The following CCDC32 variants were observed in gnomAD, a reference collection of about 807,000 sequenced individuals.
CCDC32 encodes coiled-coil domain-containing protein 32.
CCDC32 carries 9 observed loss-of-function variants against 20.1 expected under a neutral mutation model. The observed-to-expected ratio is 0.45, with a 90% CI of 0.27 to 0.78. CCDC32 has a LOEUF of 0.78. Among genes scored for constraint, CCDC32 ranks in the 30% least tolerant of loss-of-function variants. The pLI is 0.16. For synonymous variants in CCDC32, 63 were observed against 79.0 expected (o/e 0.80, Z 1.07); for missense variants, 204 against 215.5 (o/e 0.95, Z 0.33).
At chr15:40,564,717 C>G in intron 1 of CCDC32, 1 of 1,613,868 alleles carries the variant, frequency 6.2e-7, no homozygotes, top group Non-Finnish European at 8.5e-7. Flanking sequence ...TACAGTGAAC[C>G]CCCAACCCGA....
intron 2 of CCDC32, chr15:40,558,110 G>A (rs555339477): frequency 5.9e-5 from 9 of 152,212 alleles, no homozygotes; most frequent in African/African-American, 1.9e-4. Context: ...TTCCCCTTTC[G>A]AAGAATACAA....
At chr15:40,543,646 A>G (rs2141615228) in intron 3 of CCDC32, among the ~76,000 whole-genome samples, 1 of 152,076 alleles carries the variant, frequency 6.6e-6, no homozygotes, top group Non-Finnish European at 1.5e-5. Context: ...GTAGAAATGG[A>G]GTTTCCCCAT....
In CCDC32 at chr15:40,562,952, T is replaced by G; in HGVS notation, c.64A>C (p.Ile22Leu). ...TRSGQDLWAE[I>L]CSCLPNPEQE... ...TCAGGATTTGGCAGACAGGAACAAA[T>G]TTCAGCCCAGAGATCCTGGCCAGAT... is the stretch of plus-strand genomic sequence containing the variant. Residue 22 changes from isoleucine (I) to leucine (L), a missense_variant, in exon 2 of 4, where the codon ATT (isoleucine) becomes CTT (leucine). Ile to Leu is a conservative substitution (Grantham distance 5). Coordinates refer to ENST00000416810, the MANE Select transcript of CCDC32 (RefSeq NM_001080792.4). The G allele has an allele frequency of 1.2e-6, 2 of 1,614,208 alleles. No individual in the cohort carries two copies. Among genetic ancestry groups the G allele is most frequent in the Non-Finnish European group, 1.7e-6 (2 of 1,180,040 alleles).
intron 3 of CCDC32, chr15:40,528,860 G>A: frequency 1.5e-6 from 1 of 671,038 alleles, no homozygotes; most frequent in South Asian, 1.6e-5. Flanking sequence ...CATAATGGTG[G>A]CTCTGAGCCT....
At chr15:40,536,606 C>CT (rs1345316776), downstream of CCDC32, 2 of 152,318 alleles carry the variant, frequency 1.3e-5, no homozygotes, top group East Asian at 1.9e-4. Context: ...GGGCTGTGAT[C>CT]TGGCCAGGGG....
downstream of CCDC32, chr15:40,534,651 C>T (rs899763636): frequency 2.2e-6 from 1 of 458,310 alleles, no homozygotes; most frequent in Non-Finnish European, 4.0e-6. Context: ...GGGACACAGC[C>T]AAACCATATC....
downstream of CCDC32, chr15:40,534,734 A>T (rs1331671297): frequency 3.3e-6 from 2 of 597,258 alleles, no homozygotes; most frequent in Non-Finnish European, 6.0e-6. Context: ...CCCTTTTTGT[A>T]AGGGCACTAA....
At chr15:40,547,516 G>A (rs1889670956) in intron 3 of CCDC32, among the ~76,000 whole-genome samples, 1 of 152,190 alleles carries the variant, frequency 6.6e-6, no homozygotes, top group African/African-American at 2.4e-5. Context: ...CCACAACAGA[G>A]TGGACCTTCG....
chr15:40,556,075 G>C (rs77430916), intron 3 of CCDC32, among the ~76,000 whole-genome samples: 6 of 152,300 alleles, frequency 3.9e-5, no homozygotes, highest in African/African-American at 1.4e-4. Flanking sequence ...CACAGATCAG[G>C]AAACTGAGGC....
downstream of CCDC32, chr15:40,532,330 GACAAAC>G: frequency 1.4e-6 from 1 of 702,444 alleles, no homozygotes; most frequent in Non-Finnish European, 2.6e-6. Flanking sequence ...GTAGATTTAT[GACAAAC>G]ATAAGGCTCC....
At chr15:40,526,675 G>A (rs1035561394), downstream of CCDC32, among the ~76,000 whole-genome samples, 10 of 152,180 alleles carry the variant, frequency 6.6e-5, no homozygotes, top group African/African-American at 2.4e-4. Context: ...CATTTTCGGA[G>A]GCCGAGGCGG....
At position 40,557,220 on chromosome 15, in the gene CCDC32, C is replaced by T. The variant is rs1890303463; in HGVS notation, c.397G>A (p.Glu133Lys). 1.2e-6 allele frequency: 2 copies of T among 1,611,428 alleles called. No individual in the cohort carries two copies. The highest frequency in any genetic ancestry group is 1.3e-5 in the African/African-American group (1 of 74,806). The change falls in exon 3 of 4, where the codon GAG becomes AAG. Residue 133 changes from glutamate (E) to lysine (K), a missense_variant. Transcript: ENST00000416810. ...ACTAGACGGGGAATCGATTACCTCTCATCAGAATCAAGTCCATCCACAAAG... is the reference window on the plus strand; with the variant it reads ...ACTAGACGGGGAATCGATTACCTCTTATCAGAATCAAGTCCATCCACAAAG... ...EFFVDGLDSDESTLEHFKRWL... is the reference protein window; with the variant it reads ...EFFVDGLDSDKSTLEHFKRWL...
intron 3 of CCDC32, among the ~76,000 whole-genome samples, chr15:40,546,107 A>C (rs569203757): frequency 7.9e-5 from 12 of 152,000 alleles, no homozygotes; most frequent in African/African-American, 9.7e-5. Context: ...ATGCCTACCT[A>C]CTGAAAAGCC....
At position 40,554,016 on chromosome 15, in the gene CCDC32, C is replaced by T; in HGVS notation, c.513G>A (p.Glu171=). 3.1e-6 allele frequency: 5 copies of T among 1,612,900 alleles called. No homozygotes were observed. The highest frequency in any genetic ancestry group is 4.2e-6 in the Non-Finnish European group (5 of 1,179,808). The change falls in exon 4 of 4, where the codon GAG becomes GAA. Residue 171 remains glutamate (E), a synonymous_variant. Transcript: ENST00000416810. The part of the protein sequence containing the change: ...PESQVEKPVA[E]DEPAAGDKPA... The stretch of plus-strand genomic sequence containing the variant: ...GCTTGTCCCCGGCTGCTGGCTCGTC[C>T]TCGGCCACTGGCTTCTCAACCTGTG...
chr15:40,535,309 G>A, downstream of CCDC32: 1 of 1,259,912 alleles, frequency 7.9e-7, no homozygotes. Flanking sequence ...TAGGTGATGA[G>A]CCATTATCAT....
At chr15:40,554,596 C>G (rs1167242274) in intron 3 of CCDC32, among the ~76,000 whole-genome samples, 2 of 152,090 alleles carry the variant, frequency 1.3e-5, no homozygotes, top group African/African-American at 4.8e-5. Context: ...CTTACTTGCA[C>G]TAAGTGATTT....
downstream of CCDC32, among the ~76,000 whole-genome samples, chr15:40,549,125 A>G (rs561459464): frequency 3.2e-4 from 49 of 152,332 alleles, no homozygotes; most frequent in African/African-American, 1.1e-3. Context: ...AACCCATGGC[A>G]GCCATAACCT....
At chr15:40,562,660 G>T in intron 2 of CCDC32, 112 bp downstream of exon 2, 1 of 1,255,724 alleles carries the variant, frequency 8.0e-7, no homozygotes, top group Non-Finnish European at 1.1e-6. Context: ...ACATCCCTTG[G>T]AATTATATCT....
chr15:40,555,168 C>T (rs1442066065), intron 3 of CCDC32, among the ~76,000 whole-genome samples: 2 of 152,142 alleles, frequency 1.3e-5, no homozygotes, highest in Non-Finnish European at 2.9e-5. Flanking sequence ...GATGTAGGCT[C>T]TGGGGAAAAA....
Sources: gnomAD v4.1 joint callset for allele counts (sites outside exome capture counted in the v4.1 genomes callset) on GRCh38, gnomAD v4.1.1 for gene constraint, MANE v1.5 for transcripts, NCBI Gene and HGNC (gene_info 2026-07-23, HGNC 2026-07-21) for gene names.